Variants in PHACTR1 observed in about 807,000 individuals in gnomAD.
PHACTR1 encodes RPEL repeat containing 1.
In PHACTR1, 16 loss-of-function variants were observed where a neutral mutation model predicts 69.2. That is an observed-to-expected ratio of 0.23 (90% CI 0.16 to 0.35). The LOEUF (loss-of-function observed/expected upper bound fraction) is 0.35. Ranked by LOEUF, PHACTR1 falls within the 10% of genes least tolerant of loss-of-function variation. PHACTR1 has a pLI of 1.00. For missense variants in PHACTR1, 510 were observed against 734.7 expected (o/e 0.69, Z 3.54); for synonymous variants, 312 against 284.5 (o/e 1.10, Z -0.97).
At chr6:13,046,371 T>C (rs9473267) in intron 4 of PHACTR1, among the ~76,000 whole-genome samples, 4,066 of 152,238 alleles carry the variant, frequency 0.027, 175 homozygotes, top group African/African-American at 0.092. Flanking sequence ...TACCATATGC[T>C]CAGCCAGTAT....
intron 5 of PHACTR1, among the ~76,000 whole-genome samples, chr6:13,072,570 A>T (rs1296572108): frequency 1.3e-5 from 2 of 152,110 alleles, no homozygotes; most frequent in Non-Finnish European, 2.9e-5. Context: ...TTTAAAGTTG[A>T]CCTTATGTCA....
At chr6:12,895,571 G>T (rs1784583791) in intron 4 of PHACTR1, among the ~76,000 whole-genome samples, 1 of 152,076 alleles carries the variant, frequency 6.6e-6, no homozygotes, top group South Asian at 2.1e-4. Flanking sequence ...CATGGTAAAG[G>T]GGTCCCTCAG....
rs73368147 is a variant in PHACTR1 at position 13,068,791 on chromosome 6, G to A, written c.415+15262G>A. Among the ~76,000 whole-genome samples, 1,517 of 152,276 alleles carry A rather than the reference G, an allele frequency of 1.0e-2. 17 individuals are homozygous for A. The highest frequency in any genetic ancestry group is 0.034 in the African/African-American group (1,396 of 41,564). On this transcript the variant is annotated intron_variant, in intron 5 of 14. Coordinates refer to ENST00000332995, the MANE Select transcript of PHACTR1 (RefSeq NM_030948.6). ...CTATGTCACGGGCAGAAATATGCAC[G>A]ATAGAGGAAGAGATGTTCTTGGGAG...
chr6:12,962,828 GA>G (rs1792920968), intron 4 of PHACTR1, among the ~76,000 whole-genome samples: 2 of 152,170 alleles, frequency 1.3e-5, no homozygotes, highest in Admixed American at 1.3e-4. Context: ...CTTACAGGAA[GA>G]TTGATCCTGT....
chr6:13,009,869 AC>A (rs1799243074), intron 4 of PHACTR1, among the ~76,000 whole-genome samples: 1 of 148,236 alleles, frequency 6.7e-6, no homozygotes, highest in Non-Finnish European at 1.5e-5. Context: ...TGCCACCACC[AC>A]CACCACCACC....
chr6:12,809,271 G>T (rs1040176544), intron 4 of PHACTR1, among the ~76,000 whole-genome samples: 5 of 152,068 alleles, frequency 3.3e-5, no homozygotes, highest in Admixed American at 2.0e-4. Context: ...GAAAATAAAA[G>T]CTATTGTTGA....
chr6:13,252,327 CAAAAAAAAAA>C (rs373475742), intron 10 of PHACTR1, among the ~76,000 whole-genome samples: 1 of 82,590 alleles, frequency 1.2e-5, no homozygotes, highest in Non-Finnish European at 3.1e-5. Flanking sequence ...GATCCTGTCT[CAAAAAAAAAA>C]AAAAAAGAAA....
chr6:12,797,040 T>TGTGAGA (rs563796658), intron 4 of PHACTR1, among the ~76,000 whole-genome samples: 3,043 of 133,294 alleles, frequency 0.023, 113 homozygotes, highest in African/African-American at 0.074. Context: ...TGTGTGTGTG[T>TGTGAGA]GAGAGAGAGA....
At chr6:13,115,153 G>A (rs1192489836) in intron 5 of PHACTR1, among the ~76,000 whole-genome samples, 3 of 152,178 alleles carry the variant, frequency 2.0e-5, no homozygotes, top group African/African-American at 4.8e-5. Context: ...AGATCCTAAC[G>A]TAGGTTTGTT....
chr6:13,021,896 C>T (rs1801028448), intron 4 of PHACTR1, among the ~76,000 whole-genome samples: 1 of 152,186 alleles, frequency 6.6e-6, no homozygotes, highest in Non-Finnish European at 1.5e-5. Flanking sequence ...ATCAGAACAA[C>T]CTTTTACAGC....
chr6:12,961,235 T>G (rs189833197), intron 4 of PHACTR1, among the ~76,000 whole-genome samples: 1 of 151,810 alleles, frequency 6.6e-6, no homozygotes, highest in East Asian at 1.9e-4. Flanking sequence ...TGTCTAAAAT[T>G]AAGAGAAACA....
intron 7 of PHACTR1, chr6:13,185,015 G>A (rs1410064137): frequency 7.4e-7 from 1 of 1,354,830 alleles, no homozygotes; most frequent in South Asian, 1.1e-5. Flanking sequence ...GGTGAGTGCA[G>A]ACGTCTTCTG....
At chr6:13,183,704 A>G (rs1441200433) in intron 7 of PHACTR1, among the ~76,000 whole-genome samples, 1 of 152,170 alleles carries the variant, frequency 6.6e-6, no homozygotes, top group Non-Finnish European at 1.5e-5. Flanking sequence ...GAGGAGATGC[A>G]GTGGAGTTAC....
chr6:13,224,716 A>G (rs1241533613), intron 8 of PHACTR1, among the ~76,000 whole-genome samples: 10 of 152,232 alleles, frequency 6.6e-5, no homozygotes, highest in Non-Finnish European at 1.5e-5. Flanking sequence ...CAAATAGTAC[A>G]GTTCATGATG....
At chr6:13,162,416 C>T (rs536011958) in intron 6 of PHACTR1, among the ~76,000 whole-genome samples, 80 of 152,006 alleles carry the variant, frequency 5.3e-4, no homozygotes, top group Admixed American at 1.1e-3. Context: ...TGTGAGCCAC[C>T]GCGCCCGGCC....
At chr6:12,776,606 T>C (rs1486597050) in intron 4 of PHACTR1, among the ~76,000 whole-genome samples, 1 of 152,242 alleles carries the variant, frequency 6.6e-6, no homozygotes, top group East Asian at 1.9e-4. Context: ...AGTACTCCAT[T>C]TTAATATTTG....
intron 5 of PHACTR1, among the ~76,000 whole-genome samples, chr6:13,107,535 G>A (rs188966759): frequency 6.6e-5 from 10 of 152,288 alleles, no homozygotes; most frequent in Admixed American, 3.3e-4. Flanking sequence ...CAATTTCAAT[G>A]TCACTATCTT....
At chr6:12,928,551 A>G (rs920356491) in intron 4 of PHACTR1, among the ~76,000 whole-genome samples, 3 of 152,194 alleles carry the variant, frequency 2.0e-5, no homozygotes, top group African/African-American at 4.8e-5. Flanking sequence ...TTCACAGAGT[A>G]TTTGCATCTG....
chr6:13,200,943 CAA>C (rs772620697), intron 7 of PHACTR1, among the ~76,000 whole-genome samples: 22 of 90,662 alleles, frequency 2.4e-4, no homozygotes, highest in Admixed American at 6.2e-4. Flanking sequence ...AACTCTGTCT[CAA>C]AAAAAAAAAA....
Sources: allele counts gnomAD v4.1 joint callset (sites outside exome capture counted in the v4.1 genomes callset), GRCh38; gene constraint gnomAD v4.1.1; transcripts MANE v1.5; gene names NCBI Gene and HGNC (gene_info 2026-07-23, HGNC 2026-07-21).